SLC9A9: variants seen among roughly 807,000 people sequenced by gnomAD.
SLC9A9 encodes sodium/hydrogen exchanger 9.
A neutral mutation model predicts 77.8 loss-of-function variants in SLC9A9; 62 were observed. The observed-to-expected ratio is 0.80, with a 90% CI of 0.65 to 0.98. SLC9A9 has a LOEUF of 0.98. Ranked by LOEUF, SLC9A9 falls within the 50% of genes least tolerant of loss-of-function variation. SLC9A9 has a pLI of 0.00. For synonymous variants in SLC9A9, 320 were observed against 283.5 expected, an observed-to-expected ratio of 1.13 and a Z score of -1.29; for missense variants, 775 against 774.9, an observed-to-expected ratio of 1.00 and a Z score of 0.00.
intron 4 of SLC9A9, among the ~76,000 whole-genome samples, chr3:143,699,977 G>A (rs528251037): frequency 1.3e-5 from 2 of 151,978 alleles, no homozygotes; most frequent in South Asian, 4.2e-4. Flanking sequence ...ACTTTGTCTT[G>A]TATCTTGGAT....
At chr3:143,580,162 T>C (rs955171319) in intron 6 of SLC9A9, among the ~76,000 whole-genome samples, 1 of 152,220 alleles carries the variant, frequency 6.6e-6, no homozygotes, top group Non-Finnish European at 1.5e-5. Context: ...GGAAAAGGTA[T>C]AAAACTCCAC....
chr3:143,709,355 A>G (rs1220205319), intron 4 of SLC9A9, among the ~76,000 whole-genome samples: 1 of 152,130 alleles, frequency 6.6e-6, no homozygotes, highest in Non-Finnish European at 1.5e-5. Flanking sequence ...AGTGCTCGAA[A>G]TTAATACCCC....
rs373707576 is a variant in SLC9A9, at chr3:143,756,783, A to C, written c.533+38218T>G. Among the ~76,000 whole-genome samples, 4 of 152,202 alleles carry C rather than the reference A, an allele frequency of 2.6e-5. No homozygotes were observed. The East Asian group carries it at 7.7e-4, about 29-fold the overall frequency. ...CTCACCAAATGTGTATGCTTCTTTT[A>C]ATTTGACAATAGGAAGTACACAATC... On this transcript the variant is annotated intron_variant, in intron 4 of 15. Coordinates refer to ENST00000316549, the MANE Select transcript of SLC9A9 (RefSeq NM_173653.4).
At chr3:143,785,965 T>A (rs2008043505) in intron 4 of SLC9A9, among the ~76,000 whole-genome samples, 1 of 148,486 alleles carries the variant, frequency 6.7e-6, no homozygotes, top group Middle Eastern at 3.4e-3. Context: ...CACGCCATTC[T>A]CCTGCCTCAG....
intron 11 of SLC9A9, among the ~76,000 whole-genome samples, chr3:143,473,170 A>G (rs1468854440): frequency 6.6e-6 from 1 of 152,020 alleles, no homozygotes; most frequent in Non-Finnish European, 1.5e-5. Context: ...TTGGCCTAAG[A>G]CCCATCTCAC....
chr3:143,718,861 T>C (rs1445855555), intron 4 of SLC9A9, among the ~76,000 whole-genome samples: 2 of 152,200 alleles, frequency 1.3e-5, no homozygotes, highest in Admixed American at 6.5e-5. Flanking sequence ...AGCATTTGAC[T>C]TGAAATCAGA....
At chr3:143,675,639 C>A (rs948520299) in intron 5 of SLC9A9, among the ~76,000 whole-genome samples, 16 of 152,144 alleles carry the variant, frequency 1.1e-4, no homozygotes, top group Non-Finnish European at 2.2e-4. Context: ...ACGGCAGACA[C>A]AATATCATAC....
intron 4 of SLC9A9, among the ~76,000 whole-genome samples, chr3:143,738,858 G>A (rs1483375576): frequency 6.6e-6 from 1 of 152,216 alleles, no homozygotes; most frequent in Admixed American, 6.5e-5. Flanking sequence ...TGAAAGAGAT[G>A]CACAGGAGAA....
At chr3:143,811,655 A>G (rs72993346) in intron 2 of SLC9A9, 147,857 of 453,750 alleles carry the variant, frequency 0.33, 28,800 homozygotes, top group African/African-American at 0.67. Flanking sequence ...AGACCAGCCC[A>G]GCCAACATGG....
At chr3:143,808,182 G>A (rs78639868) in intron 2 of SLC9A9, among the ~76,000 whole-genome samples, 1 of 152,174 alleles carries the variant, frequency 6.6e-6, no homozygotes, top group Admixed American at 6.5e-5. Flanking sequence ...CTCATCAAAC[G>A]TTGGTTTCCT....
chr3:143,825,850 C>T (rs1236578332), intron 2 of SLC9A9, among the ~76,000 whole-genome samples: 1 of 152,186 alleles, frequency 6.6e-6, no homozygotes, highest in Non-Finnish European at 1.5e-5. Context: ...CAAGACTTTT[C>T]CAGCCAAATG....
chr3:143,491,525 T>C (rs186517480), intron 11 of SLC9A9, among the ~76,000 whole-genome samples: 12 of 152,294 alleles, frequency 7.9e-5, no homozygotes, highest in Admixed American at 5.9e-4. Flanking sequence ...TGCTGACTCC[T>C]GGCTTTAGAA....
At chr3:143,505,848 C>T (rs191772060) in intron 9 of SLC9A9, among the ~76,000 whole-genome samples, 54 of 152,224 alleles carry the variant, frequency 3.5e-4, no homozygotes, top group South Asian at 1.2e-3. Context: ...AATACTGTAG[C>T]TAGATTTCCT....
At chr3:143,552,535 G>A in intron 8 of SLC9A9, 85 bp from the exon 9 acceptor site, 1 of 1,130,688 alleles carries the variant, frequency 8.8e-7, no homozygotes, top group African/African-American at 1.5e-5. Flanking sequence ...TTGGAAAATA[G>A]ACTTGGTGTC....
At chr3:143,733,232 C>G (rs1372327489) in intron 4 of SLC9A9, among the ~76,000 whole-genome samples, 1 of 151,912 alleles carries the variant, frequency 6.6e-6, no homozygotes, top group African/African-American at 2.4e-5. Flanking sequence ...CATAAAGGAC[C>G]AGGTCACAAT....
At chr3:143,302,695 G>C (rs548513489) in intron 14 of SLC9A9, among the ~76,000 whole-genome samples, 1 of 152,282 alleles carries the variant, frequency 6.6e-6, no homozygotes, top group East Asian at 1.9e-4. Flanking sequence ...CCTCCAACCA[G>C]CCAGCAGGTT....
chr3:143,643,939 T>C (rs574832698), intron 6 of SLC9A9, among the ~76,000 whole-genome samples: 9 of 150,288 alleles, frequency 6.0e-5, no homozygotes, highest in Non-Finnish European at 1.0e-4. Context: ...GTGACTGATA[T>C]GCAAATATTG....
intron 9 of SLC9A9, among the ~76,000 whole-genome samples, chr3:143,515,558 C>T (rs1468351956): frequency 6.6e-6 from 1 of 152,158 alleles, no homozygotes; most frequent in Admixed American, 6.5e-5. Context: ...GATACTGTAT[C>T]ACATAGAGGA....
chr3:143,543,778 A>AGACGGAGTCTCGC (rs1249558446), intron 9 of SLC9A9, among the ~76,000 whole-genome samples: 1 of 118,272 alleles, frequency 8.5e-6, no homozygotes, highest in Non-Finnish European at 1.9e-5. Flanking sequence ...CATTTTCTTT[A>AGACGGAGTCTCGC]TCCAGTCCAC....
Sources: gnomAD v4.1 joint callset for allele counts (sites outside exome capture counted in the v4.1 genomes callset) on GRCh38, gnomAD v4.1.1 for gene constraint, MANE v1.5 for transcripts, NCBI Gene and HGNC (gene_info 2026-07-23, HGNC 2026-07-21) for gene names.